CNTN3: variants seen among roughly 807,000 people sequenced by gnomAD.
CNTN3 encodes the protein contactin 3, also known as contactin-3.
A neutral mutation model predicts 119.1 loss-of-function variants in CNTN3; 60 were observed. The observed-to-expected ratio is 0.50, with a 90% CI of 0.41 to 0.62. The LOEUF (loss-of-function observed/expected upper bound fraction) is 0.62, where lower values mean the gene tolerates loss of function less well. Among genes scored for constraint, CNTN3 ranks in the 20% least tolerant of loss-of-function variants. The pLI, the probability that CNTN3 is intolerant of heterozygous loss-of-function variation, is 0.00. For missense variants in CNTN3, 1,101 were observed against 1,242.4 expected (o/e 0.89, Z 1.71); for synonymous variants, 450 against 438.7 (o/e 1.03, Z -0.32).
At chr3:74,562,219 T>C (rs1416276930) in intron 1 of CNTN3, among the ~76,000 whole-genome samples, 2 of 152,204 alleles carry the variant, frequency 1.3e-5, no homozygotes, top group Non-Finnish European at 2.9e-5. Context: ...GTATGGATTC[T>C]AGCACATATG....
intron 1 of CNTN3, among the ~76,000 whole-genome samples, chr3:74,531,996 G>A (rs1459652110): frequency 1.3e-5 from 2 of 151,780 alleles, no homozygotes; most frequent in Admixed American, 6.6e-5. Flanking sequence ...AATGTTTTAA[G>A]TCATAAAGAA....
At chr3:74,421,948 C>T (rs926969866) in intron 5 of CNTN3, among the ~76,000 whole-genome samples, 1 of 152,184 alleles carries the variant, frequency 6.6e-6, no homozygotes, top group Non-Finnish European at 1.5e-5. Flanking sequence ...CTGGTTGGCA[C>T]CCAGGTCATT....
chr3:74,496,863 T>C (rs1703074483), intron 3 of CNTN3, among the ~76,000 whole-genome samples: 1 of 152,038 alleles, frequency 6.6e-6, no homozygotes, highest in Non-Finnish European at 1.5e-5. Context: ...TCTGAACTTT[T>C]GGATTTCCAA....
chr3:74,431,138 T>A (rs1701777024), intron 4 of CNTN3, among the ~76,000 whole-genome samples: 1 of 152,200 alleles, frequency 6.6e-6, no homozygotes, highest in African/African-American at 2.4e-5. Flanking sequence ...ATTTTCTATA[T>A]TGGGCCAGGT....
intron 13 of CNTN3, among the ~76,000 whole-genome samples, chr3:74,313,877 G>C (rs1190099308): frequency 6.6e-6 from 1 of 152,182 alleles, no homozygotes; most frequent in East Asian, 1.9e-4. Flanking sequence ...GGGCATGGCT[G>C]CATTAATGGG....
At chr3:74,380,060 T>G (rs1704577074) in intron 5 of CNTN3, among the ~76,000 whole-genome samples, 1 of 152,192 alleles carries the variant, frequency 6.6e-6, no homozygotes, top group Non-Finnish European at 1.5e-5. Context: ...CAAGAAAAGA[T>G]TCCCAAAACG....
intron 11 of CNTN3, among the ~76,000 whole-genome samples, chr3:74,345,292 G>A (rs1052058821): frequency 5.3e-5 from 8 of 152,112 alleles, no homozygotes; most frequent in East Asian, 3.9e-4. Context: ...CTAGTCAAGC[G>A]CAGGTTCTGG....
At position 74,614,457 on chromosome 3, in the gene CNTN3, C is replaced by T. The variant is rs1316636113; in HGVS notation, c.-147G>A. ...CTCGCCGCCGCCGCCGCCGCCGCCG[C>T]CGCCGCCACCGCCGCCGCCGCAGTT... is the stretch of plus-strand genomic sequence containing the variant. On this transcript the variant is annotated 5_prime_UTR_variant, in exon 1 of 23. Transcript: ENST00000263665. 1.4e-5 allele frequency among the ~76,000 whole-genome samples: 2 copies of T among 143,108 alleles called. No homozygotes were observed. Among genetic ancestry groups the T allele is most frequent in the African/African-American group, 5.2e-5 (2 of 38,384 alleles). The allele number at this position is 143,108 out of a possible 152,430, so 93.9% of individuals were successfully genotyped here.
At chr3:74,509,048 A>G (rs573657910) in intron 2 of CNTN3, among the ~76,000 whole-genome samples, 1 of 152,338 alleles carries the variant, frequency 6.6e-6, no homozygotes, top group African/African-American at 2.4e-5. Flanking sequence ...AATACTGTGT[A>G]TTGCCAAAAA....
At chr3:74,274,637 CA>C (rs772732610) in intron 20 of CNTN3, among the ~76,000 whole-genome samples, 4 of 151,232 alleles carry the variant, frequency 2.6e-5, no homozygotes, top group Admixed American at 6.6e-5. Flanking sequence ...CACTATGGGA[CA>C]AAAGAATCTG....
At chr3:74,347,424 G>A (rs1703718661) in intron 11 of CNTN3, among the ~76,000 whole-genome samples, 1 of 152,004 alleles carries the variant, frequency 6.6e-6, no homozygotes. Context: ...TACACTTCTT[G>A]CAAAATGAGC....
chr3:74,346,970 CT>C (rs1239102544), intron 11 of CNTN3, among the ~76,000 whole-genome samples: 1 of 152,136 alleles, frequency 6.6e-6, no homozygotes, highest in African/African-American at 2.4e-5. Flanking sequence ...ATTATACGTA[CT>C]TTTAAGACAT....
intron 19 of CNTN3, among the ~76,000 whole-genome samples, chr3:74,294,671 G>A (rs552003598): frequency 4.0e-4 from 61 of 152,126 alleles, no homozygotes; most frequent in Middle Eastern, 3.4e-3. Context: ...TCACTAAACA[G>A]AGAGGTCTTT....
intron 4 of CNTN3, among the ~76,000 whole-genome samples, chr3:74,485,250 T>A (rs1238772791): frequency 6.6e-6 from 1 of 152,062 alleles, no homozygotes; most frequent in African/African-American, 2.4e-5. Flanking sequence ...ACTCTTTGTT[T>A]AAAACAGAGA....
At chr3:74,526,553 G>A (rs1025585262) in intron 1 of CNTN3, among the ~76,000 whole-genome samples, 7 of 151,686 alleles carry the variant, frequency 4.6e-5, no homozygotes, top group East Asian at 1.9e-4. Flanking sequence ...CCCTCCTGCC[G>A]AAAACTGGCC....
At chr3:74,562,945 C>T (rs1283981071) in intron 1 of CNTN3, among the ~76,000 whole-genome samples, 1 of 152,120 alleles carries the variant, frequency 6.6e-6, no homozygotes, top group Non-Finnish European at 1.5e-5. Context: ...CTTAGGCAGC[C>T]CTGGCATGCG....
At chr3:74,286,381 T>G (rs1455577745) in intron 19 of CNTN3, among the ~76,000 whole-genome samples, 1 of 152,068 alleles carries the variant, frequency 6.6e-6, no homozygotes, top group African/African-American at 2.4e-5. Flanking sequence ...GAATCTACTA[T>G]GCAATGACAG....
At chr3:74,454,358 T>G (rs1222653346) in intron 4 of CNTN3, among the ~76,000 whole-genome samples, 3 of 145,242 alleles carry the variant, frequency 2.1e-5, no homozygotes, top group South Asian at 2.3e-4. Context: ...GTTTTCCATT[T>G]GCTTGGTAGA....
At chr3:74,613,830 G>GCGCA (rs1458437553) in intron 1 of CNTN3, among the ~76,000 whole-genome samples, 1 of 152,202 alleles carries the variant, frequency 6.6e-6, no homozygotes, top group Non-Finnish European at 1.5e-5. Flanking sequence ...CTGGACTACA[G>GCGCA]CGCAGCAGGG....
Sources: gnomAD v4.1 joint callset for allele counts (sites outside exome capture counted in the v4.1 genomes callset) on GRCh38, gnomAD v4.1.1 for gene constraint, MANE v1.5 for transcripts, NCBI Gene and HGNC (gene_info 2026-07-23, HGNC 2026-07-21) for gene names.